The following NREP variants were observed in gnomAD, a reference collection of about 807,000 sequenced individuals.
NREP encodes the protein neuronal regeneration-related protein.
A neutral mutation model predicts 8.6 loss-of-function variants in NREP; 5 were observed. The observed-to-expected ratio is 0.58, with a 90% confidence interval of 0.30 to 1.22. The LOEUF (loss-of-function observed/expected upper bound fraction) is 1.22, where lower values mean the gene tolerates loss of function less well. Ranked by LOEUF, NREP falls within the 50% of genes most tolerant of loss-of-function variation. The probability of loss-of-function intolerance (pLI) is 0.07; values close to 1 mark genes in which losing one functional copy is unlikely to be tolerated. For synonymous variants in NREP, 27 were observed against 28.0 expected, an observed-to-expected ratio of 0.96 and a Z score of 0.11; for missense variants, 86 against 82.5, an observed-to-expected ratio of 1.04 and a Z score of -0.17.
chr5:111,871,457 A>G (rs545504755), intron 2 of NREP, among the ~76,000 whole-genome samples: 1 of 152,270 alleles, frequency 6.6e-6, no homozygotes, highest in South Asian at 2.1e-4. Flanking sequence ...GGCCTAGTAC[A>G]TTATACTACT....
intron 2 of NREP, among the ~76,000 whole-genome samples, chr5:111,941,417 G>T (rs1365287170): frequency 6.6e-6 from 1 of 152,040 alleles, no homozygotes; most frequent in African/African-American, 2.4e-5. Context: ...CAGCAGAATT[G>T]ATTTCTTCTG....
intron 2 of NREP, among the ~76,000 whole-genome samples, chr5:111,884,676 A>C (rs1261229101): frequency 1.3e-5 from 2 of 152,238 alleles, no homozygotes; most frequent in African/African-American, 4.8e-5. Context: ...CAATGTACAC[A>C]AATCAATAAA....
chr5:111,731,767 G>A (rs1235023040), intron 3 of NREP: 1 of 152,206 alleles, frequency 6.6e-6, no homozygotes, highest in Admixed American at 6.5e-5. Flanking sequence ...AAAGGTTTTT[G>A]TGTTTCTGAC....
chr5:111,894,056 A>G (rs1754453084), intron 2 of NREP, among the ~76,000 whole-genome samples: 1 of 151,892 alleles, frequency 6.6e-6, no homozygotes, highest in Admixed American at 6.6e-5. Context: ...CATCTGTACT[A>G]AAAATATAAA....
Position 111,962,425 on chromosome 5 carries a change from T to C in NREP, c.135+12849A>G, listed in dbSNP as rs1461478268. On this transcript the variant is annotated intron_variant, in intron 2 of 3. Transcript: ENST00000395634. ...AGAGAAATCAGTATCACAGAAGAAA[T>C]GTTCAAGCAGCTTTTCCTTTCTTAA... Among the ~76,000 whole-genome samples, 3 of 152,062 alleles carry C rather than the reference T, an allele frequency of 2.0e-5. No individual in the cohort carries two copies. In the South Asian group the frequency reaches 6.2e-4, roughly 32 times the overall value.
intron 2 of NREP, among the ~76,000 whole-genome samples, chr5:111,904,864 C>T (rs1025258604): frequency 1.3e-5 from 2 of 152,092 alleles, no homozygotes; most frequent in Non-Finnish European, 2.9e-5. Flanking sequence ...AGACCCTTCA[C>T]GAGACAGTAT....
intron 2 of NREP, among the ~76,000 whole-genome samples, chr5:111,780,204 A>T (rs1303699088): frequency 6.6e-6 from 1 of 152,198 alleles, no homozygotes. Context: ...GTAGGAAGCA[A>T]GAGTGACCCT....
chr5:111,757,104 C>G (rs1015043753), intron 1 of NREP, 32 bp downstream of exon 1: 29 of 705,098 alleles, frequency 4.1e-5, no homozygotes, highest in Non-Finnish European at 5.0e-5. Context: ...AACCAGCGCT[C>G]CCAGCCGGGG....
intron 2 of NREP, among the ~76,000 whole-genome samples, chr5:111,921,599 G>A (rs140433175): frequency 1.9e-4 from 29 of 152,248 alleles, no homozygotes; most frequent in African/African-American, 6.0e-4. Flanking sequence ...TCAATGGTTC[G>A]GGCAATGTCC....
At chr5:111,826,421 G>C (rs746075183) in intron 2 of NREP, among the ~76,000 whole-genome samples, 3 of 152,202 alleles carry the variant, frequency 2.0e-5, no homozygotes, top group Non-Finnish European at 2.9e-5. Context: ...CTCAGTGTTT[G>C]GGTCTGCACT....
At chr5:111,926,449 G>A (rs568840758) in intron 2 of NREP, among the ~76,000 whole-genome samples, 22 of 152,226 alleles carry the variant, frequency 1.4e-4, no homozygotes, top group African/African-American at 4.6e-4. Context: ...GTCCCACAGG[G>A]CAAAGAAAGC....
Position 111,817,557 on chromosome 5 carries a change from G to A in NREP, c.136-82050C>T, listed in dbSNP as rs1353939544. Among the ~76,000 whole-genome samples the A allele has an allele frequency of 2.0e-5, 3 of 152,006 alleles. No individual in the cohort carries two copies. The South Asian group carries it at 6.2e-4, about 32-fold the overall frequency. ...ATGGTGGCTCACACCTGTAATCCCA[G>A]CACTTTGGGAGGCCAAGGTGGGTGG... On this transcript the variant is annotated intron_variant, in intron 2 of 3. Transcript: ENST00000395634.
chr5:111,731,049 G>A lies in NREP; in HGVS notation c.82-3C>T. 6.2e-7 allele frequency: 1 copy of A among 1,613,560 alleles called. No individual in the cohort carries two copies. The highest frequency in any genetic ancestry group is 1.1e-5 in the South Asian group (1 of 91,064). On this transcript the variant is annotated splice_polypyrimidine_tract_variant and splice_region_variant and intron_variant, in intron 3 of 3. Transcript: ENST00000257435. Reference sequence around the variant, plus strand: ...TCCTTTGGGACAGGAAGTCTTCCCTGCAAAGCAGGCAGACCCACACACAGA... The same window carrying A: ...TCCTTTGGGACAGGAAGTCTTCCCTACAAAGCAGGCAGACCCACACACAGA...
intron 2 of NREP, among the ~76,000 whole-genome samples, chr5:111,806,138 C>T (rs1227779781): frequency 6.6e-6 from 1 of 151,834 alleles, no homozygotes; most frequent in African/African-American, 2.4e-5. Context: ...AAATAAAAAG[C>T]TAGGGGTTAG....
chr5:111,967,223 G>A (rs537819568), intron 2 of NREP, among the ~76,000 whole-genome samples: 20 of 152,222 alleles, frequency 1.3e-4, no homozygotes, highest in African/African-American at 4.1e-4. Context: ...TTCAGTGCAC[G>A]AGCCCGTCAT....
chr5:111,854,960 AAATT>A (rs1425774771), intron 2 of NREP, among the ~76,000 whole-genome samples: 1 of 152,180 alleles, frequency 6.6e-6, no homozygotes, highest in African/African-American at 2.4e-5. Context: ...TAGTATGAAT[AAATT>A]CTTGTTTATT....
At chr5:111,866,782 T>G (rs1250271792) in intron 2 of NREP, among the ~76,000 whole-genome samples, 1 of 152,084 alleles carries the variant, frequency 6.6e-6, no homozygotes, top group African/African-American at 2.4e-5. Flanking sequence ...TAAGAAAATG[T>G]GGCACATATA....
intron 2 of NREP, among the ~76,000 whole-genome samples, chr5:111,768,054 T>G (rs1751127318): frequency 6.6e-6 from 1 of 152,202 alleles, no homozygotes; most frequent in South Asian, 2.1e-4. Context: ...TCCACAAGGA[T>G]GTCCTTCTGT....
intron 2 of NREP, among the ~76,000 whole-genome samples, chr5:111,968,227 A>C (rs1465319506): frequency 6.6e-6 from 1 of 152,176 alleles, no homozygotes; most frequent in East Asian, 1.9e-4. Flanking sequence ...TCTTAAAAAA[A>C]AGGTACTTCA....
Sources: allele counts gnomAD v4.1 joint callset (sites outside exome capture counted in the v4.1 genomes callset), GRCh38; gene constraint gnomAD v4.1.1; transcripts MANE v1.5; gene names NCBI Gene and HGNC (gene_info 2026-07-23, HGNC 2026-07-21).